Variants in MRPL42 observed in about 807,000 individuals in gnomAD.
MRPL42 encodes large ribosomal subunit protein mL42.
A neutral mutation model predicts 17.9 loss-of-function variants in MRPL42; 17 were observed. That is an observed-to-expected ratio of 0.95 (90% CI 0.65 to 1.42). The LOEUF is 1.42. Among genes scored for constraint, MRPL42 ranks in the 40% most tolerant of loss-of-function variants. The pLI is 0.00. For synonymous variants in MRPL42, 59 were observed against 54.4 expected (o/e 1.08, Z -0.37); for missense variants, 177 against 175.2 (o/e 1.01, Z -0.06).
Position 93,478,006 on chromosome 12 carries a change from G to C in MRPL42, c.134+989G>C, listed in dbSNP as rs1880264160. Among the ~76,000 whole-genome samples the C allele has an allele frequency of 2.6e-5, 4 of 152,124 alleles. No individual in the cohort carries two copies. The South Asian group carries it at 8.3e-4, about 32-fold the overall frequency. ...GAGACTCACTTTGTCACCCAGGCTG[G>C]AATGCAGTGGCACAATCTCAGCTCA... On this transcript the variant is annotated intron_variant, in intron 3 of 5. Coordinates refer to ENST00000549982, the MANE Select transcript of MRPL42 (RefSeq NM_014050.4).
In MRPL42 at chr12:93,513,857, C is replaced by T. The variant is rs1953750456; in HGVS notation, c.*12636C>T. 6.6e-6 allele frequency: 1 copy of T among 151,940 alleles called. No homozygotes were observed. Among genetic ancestry groups the T allele is most frequent in the Non-Finnish European group, 1.5e-5 (1 of 67,968 alleles). 9.4% of individuals were successfully genotyped at this position (151,940 alleles called of 1,614,324 possible). A position where few individuals can be genotyped will look rare whatever the true frequency, so the allele number is the denominator to read the frequency against. Reference sequence around the variant, plus strand: ...TTTCATCACAGATAGTTCAATGACTCCTGTTTTTTTTTAGACCGAGTCTTG... The same window carrying T: ...TTTCATCACAGATAGTTCAATGACTTCTGTTTTTTTTTAGACCGAGTCTTG... On this transcript the variant is annotated 3_prime_UTR_variant, in exon 6 of 6. Transcript: ENST00000549982.
intron 1 of MRPL42, among the ~76,000 whole-genome samples, 151 bp downstream of exon 1, chr12:93,467,705 AGCCGGCATGT>A (rs1376120188): frequency 1.3e-5 from 2 of 152,158 alleles, no homozygotes; most frequent in African/African-American, 2.4e-5. Flanking sequence ...CCTGCAGAAG[AGCCGGCATGT>A]GGCTGCGCGT....
rs1953749420 is a variant in MRPL42, at chr12:93,513,756, A to G, written c.*12535A>G. 6.6e-6 allele frequency: 1 copy of G among 152,208 alleles called. No homozygotes were observed. Among genetic ancestry groups the G allele is most frequent in the Non-Finnish European group, 1.5e-5 (1 of 68,028 alleles). The allele number at this position is 152,208 out of a possible 1,614,324, so 9.4% of individuals were successfully genotyped here. A position where few individuals can be genotyped will look rare whatever the true frequency, so the allele number is the denominator to read the frequency against. On this transcript the variant is annotated 3_prime_UTR_variant, in exon 6 of 6. Coordinates refer to ENST00000549982, the MANE Select transcript of MRPL42 (RefSeq NM_014050.4). ...CATAATTAAAAATTGGGGCTTTTAA[A>G]AAATGTTTTTCATTCTACTAATTTC...
In MRPL42 at chr12:93,509,723, A is replaced by G. The variant is rs1164213362; in HGVS notation, c.*8502A>G. ...ATCAGTAGTGGGATCACACCTGTGAATAGCCACTGCACTGCAGCCTGGGCA... is the reference window on the plus strand; with the variant it reads ...ATCAGTAGTGGGATCACACCTGTGAGTAGCCACTGCACTGCAGCCTGGGCA... On this transcript the variant is annotated 3_prime_UTR_variant, in exon 6 of 6. Coordinates refer to ENST00000549982, the MANE Select transcript of MRPL42 (RefSeq NM_014050.4). 2 of 152,024 alleles carry G rather than the reference A, an allele frequency of 1.3e-5. No homozygotes were observed. Among genetic ancestry groups the G allele is most frequent in the Admixed American group, 6.6e-5 (1 of 15,262 alleles). The allele number at this position is 152,024 out of a possible 1,614,324, so 9.4% of individuals were successfully genotyped here.
Position 93,503,884 on chromosome 12 carries a change from A to C in MRPL42, c.*2663A>C, listed in dbSNP as rs934426559. The C allele has an allele frequency of 1.7e-4, 26 of 151,474 alleles. No individual in the cohort carries two copies. Among genetic ancestry groups the C allele is most frequent in the African/African-American group, 6.3e-4 (26 of 41,296 alleles). The allele number at this position is 151,474 out of a possible 1,614,324, so 9.4% of individuals were successfully genotyped here. Reference sequence around the variant, plus strand: ...AATCTGGCTTGTCATAATTTAATTAACTCCCTGCTGTTAGACAAAATCATT... The same window carrying C: ...AATCTGGCTTGTCATAATTTAATTACCTCCCTGCTGTTAGACAAAATCATT... On this transcript the variant is annotated 3_prime_UTR_variant, in exon 6 of 6. Coordinates refer to ENST00000549982, the MANE Select transcript of MRPL42 (RefSeq NM_014050.4).
In MRPL42 at chr12:93,507,899, C is replaced by T. The variant is rs539796568; in HGVS notation, c.*6678C>T. On this transcript the variant is annotated 3_prime_UTR_variant, in exon 6 of 6. Coordinates refer to ENST00000549982, the MANE Select transcript of MRPL42 (RefSeq NM_014050.4). ...GGCCAAGGTTGGGGGATTTCTTGAG[C>T]CCAGGAGTTCAAGACCAGCCTGGGC... 78 of 152,620 alleles carry T rather than the reference C, an allele frequency of 5.1e-4. No homozygotes were observed. Among genetic ancestry groups the T allele is most frequent in the Non-Finnish European group, 8.6e-4 (59 of 68,332 alleles). 9.5% of individuals were successfully genotyped at this position (152,620 alleles called of 1,614,324 possible). A position where few individuals can be genotyped will look rare whatever the true frequency, so the allele number is the denominator to read the frequency against.
At chr12:93,489,449 A>AT (rs1212227451) in intron 5 of MRPL42, among the ~76,000 whole-genome samples, 2 of 151,980 alleles carry the variant, frequency 1.3e-5, no homozygotes, top group East Asian at 1.9e-4. Flanking sequence ...AAAAATATTG[A>AT]TTTTTTGGGG....
rs1298360003 is a variant in MRPL42 at position 93,510,102 on chromosome 12, GT to G, written c.*8882del. ...ACCCTTGGCTCTGCCTCTTCGTCGT[GT>G]CCTCCCCACTGACCCCCGGCTACCA... On this transcript the variant is annotated 3_prime_UTR_variant, in exon 6 of 6. Coordinates refer to ENST00000549982, the MANE Select transcript of MRPL42 (RefSeq NM_014050.4). 1 of 152,384 alleles carries G rather than the reference GT, an allele frequency of 6.6e-6. No individual in the cohort carries two copies. The highest frequency in any genetic ancestry group is 6.5e-5 in the Admixed American group (1 of 15,272). The allele number at this position is 152,384 out of a possible 1,614,324, so 9.4% of individuals were successfully genotyped here. A position where few individuals can be genotyped will look rare whatever the true frequency, so the allele number is the denominator to read the frequency against.
chr12:93,509,049 G>T lies in MRPL42; in HGVS notation c.*7828G>T, dbSNP rs759046720. On this transcript the variant is annotated 3_prime_UTR_variant, in exon 6 of 6. Transcript: ENST00000549982. Reference sequence around the variant, plus strand: ...CTAAAAATGCAAAAATTAGCTGGGTGTGGTGGCAGGCATCTGTAATCCTAG... The same window carrying T: ...CTAAAAATGCAAAAATTAGCTGGGTTTGGTGGCAGGCATCTGTAATCCTAG... 1.3e-5 allele frequency: 2 copies of T among 152,066 alleles called. No homozygotes were observed. Among genetic ancestry groups the T allele is most frequent in the Admixed American group, 1.3e-4 (2 of 15,246 alleles). The allele number at this position is 152,066 out of a possible 1,614,324, so 9.4% of individuals were successfully genotyped here.
At chr12:93,470,183 A>G (rs763801190) in intron 2 of MRPL42, among the ~76,000 whole-genome samples, 18 of 152,076 alleles carry the variant, frequency 1.2e-4, no homozygotes, top group Non-Finnish European at 2.4e-4. Flanking sequence ...ATGAAATGTA[A>G]TTTCTGCCTT....
intron 4 of MRPL42, among the ~76,000 whole-genome samples, chr12:93,487,078 T>C (rs1023599164): frequency 2.6e-5 from 4 of 152,262 alleles, no homozygotes; most frequent in African/African-American, 7.2e-5. Context: ...ATCCTCCCAC[T>C]TCAGCCTCTT....
At chr12:93,489,922 A>G (rs1373632890) in intron 5 of MRPL42, among the ~76,000 whole-genome samples, 1 of 152,238 alleles carries the variant, frequency 6.6e-6, no homozygotes, top group Non-Finnish European at 1.5e-5. Context: ...GATATGTGCA[A>G]ACAAATTAGG....
chr12:93,469,846 TA>T (rs973606256), intron 2 of MRPL42, among the ~76,000 whole-genome samples: 30 of 152,158 alleles, frequency 2.0e-4, no homozygotes, highest in Non-Finnish European at 1.5e-5. Context: ...AATGCAGAGG[TA>T]AAAGGTCTGG....
intron 4 of MRPL42, among the ~76,000 whole-genome samples, chr12:93,479,778 C>G (rs547288070): frequency 6.6e-6 from 1 of 151,526 alleles, no homozygotes; most frequent in Non-Finnish European, 1.5e-5. Flanking sequence ...AATGCATTAT[C>G]CCATGCTACC....
intron 1 of MRPL42, 143 bp downstream of exon 1, chr12:93,467,697 T>A (rs2290880): frequency 6.6e-6 from 1 of 152,480 alleles, no homozygotes; most frequent in Non-Finnish European, 1.5e-5. Flanking sequence ...TTGTCCTTCC[T>A]GCAGAAGAGC....
In MRPL42 at chr12:93,515,855, A is replaced by C. The variant is rs1953776869; in HGVS notation, c.*14634A>C. On this transcript the variant is annotated 3_prime_UTR_variant, in exon 6 of 6. Coordinates refer to ENST00000549982, the MANE Select transcript of MRPL42 (RefSeq NM_014050.4). ...CTGAAACCTTAATAAAGTGAGAAAA[A>C]ACAAGTCCACTTTGTAATTTTGTCT... The C allele has an allele frequency of 6.6e-6, 1 of 152,162 alleles. No individual in the cohort carries two copies. The highest frequency in any genetic ancestry group is 2.1e-4 in the South Asian group (1 of 4,826). 9.4% of individuals were successfully genotyped at this position (152,162 alleles called of 1,614,324 possible). A position where few individuals can be genotyped will look rare whatever the true frequency, so the allele number is the denominator to read the frequency against.
rs999611116 is a variant in MRPL42 at position 93,508,023 on chromosome 12, C to T, written c.*6802C>T. 5 of 152,552 alleles carry T rather than the reference C, an allele frequency of 3.3e-5. No individual in the cohort carries two copies. The highest frequency in any genetic ancestry group is 9.7e-5 in the African/African-American group (4 of 41,448). The allele number at this position is 152,552 out of a possible 1,614,324, so 9.4% of individuals were successfully genotyped here. On this transcript the variant is annotated 3_prime_UTR_variant, in exon 6 of 6. Transcript: ENST00000549982. Reference sequence around the variant, plus strand: ...GTGCAATGGCGCAATCTCAGCCCACCAGAACCTTTGCCTCTTGGGTTCAAG... The same window carrying T: ...GTGCAATGGCGCAATCTCAGCCCACTAGAACCTTTGCCTCTTGGGTTCAAG...
intron 3 of MRPL42, among the ~76,000 whole-genome samples, chr12:93,477,431 A>T (rs1195329886): frequency 6.6e-6 from 1 of 152,210 alleles, no homozygotes; most frequent in Non-Finnish European, 1.5e-5. Context: ...TTTGGTACTT[A>T]TTCAATTTAG....
chr12:93,482,504 G>C (rs1565812889), intron 4 of MRPL42, among the ~76,000 whole-genome samples: 1 of 152,090 alleles, frequency 6.6e-6, no homozygotes, highest in Non-Finnish European at 1.5e-5. Flanking sequence ...TCTATTAAGT[G>C]AATGAAGTTG....
Sources: allele counts gnomAD v4.1 joint callset (sites outside exome capture counted in the v4.1 genomes callset), GRCh38; gene constraint gnomAD v4.1.1; transcripts MANE v1.5; gene names NCBI Gene and HGNC (gene_info 2026-07-23, HGNC 2026-07-21).